The following ARNT2 variants were observed in gnomAD, a reference collection of about 807,000 sequenced individuals.
ARNT2 encodes the protein ARNT protein 2.
Under a neutral mutation model 91.7 loss-of-function variants are expected in ARNT2, and 36 were observed. That is an observed-to-expected ratio of 0.39 (90% CI 0.30 to 0.52). The LOEUF is 0.52. Ranked by LOEUF, ARNT2 falls within the 20% of genes least tolerant of loss-of-function variation. ARNT2 has a pLI of 0.72. For missense variants in ARNT2, 775 were observed against 939.3 expected, an observed-to-expected ratio of 0.83 and a Z score of 2.29; for synonymous variants, 365 against 347.1, an observed-to-expected ratio of 1.05 and a Z score of -0.57.
intron 11 of ARNT2, 44 bp downstream of exon 11, chr15:80,555,183 G>C: frequency 3.1e-6 from 5 of 1,596,844 alleles, no homozygotes; most frequent in Non-Finnish European, 4.3e-6. Flanking sequence ...CATAGTCTGG[G>C]CACCTGTGGA....
intron 12 of ARNT2, among the ~76,000 whole-genome samples, chr15:80,566,152 G>A (rs1279631762): frequency 6.6e-6 from 1 of 152,008 alleles, no homozygotes; most frequent in African/African-American, 2.4e-5. Context: ...ACCAGCAGCA[G>A]CAACCCTGCC....
At chr15:80,455,208 G>T (rs1482161681) in intron 2 of ARNT2, among the ~76,000 whole-genome samples, 2 of 152,130 alleles carry the variant, frequency 1.3e-5, no homozygotes, top group South Asian at 4.2e-4. Flanking sequence ...GTCCTCCAGG[G>T]TTGCATTGTT....
chr15:80,581,312 A>T lies in ARNT2; in HGVS notation c.1826A>T (p.Asp609Val), dbSNP rs770741489. The T allele has an allele frequency of 4.3e-6, 7 of 1,613,656 alleles. No individual in the cohort carries two copies. The highest frequency in any genetic ancestry group is 5.9e-6 in the Non-Finnish European group (7 of 1,179,960). ...GGAACGAGCCACACCTACCCGGCAG[A>T]CCCCTCTTCCTACAGCCCCCTCTCC... ...GIGTSHTYPA[D>V]PSSYSPLSSP... The change falls in exon 17 of 19, where the codon GAC (aspartate) becomes GTC (valine). Residue 609 changes from aspartate (D) to valine (V), a missense_variant. Around this residue, in one of 5 missense-constraint regions of ARNT2, gnomAD observed 325 missense variants for 359.9 expected, o/e 0.90. Coordinates refer to ENST00000303329, the MANE Select transcript of ARNT2 (RefSeq NM_014862.4).
intron 2 of ARNT2, among the ~76,000 whole-genome samples, chr15:80,457,661 A>T (rs1004586763): frequency 2.0e-5 from 3 of 152,220 alleles, no homozygotes; most frequent in African/African-American, 7.2e-5. Context: ...AGGGAATGGC[A>T]TATAGAGTTC....
At chr15:80,583,245 G>T (rs1596025428) in intron 17 of ARNT2, among the ~76,000 whole-genome samples, 3 of 152,252 alleles carry the variant, frequency 2.0e-5, no homozygotes, top group Admixed American at 2.0e-4. Flanking sequence ...GTCAAGAGAG[G>T]CTTCGGAGCA....
Position 80,591,402 on chromosome 15 carries a change from G to T in ARNT2, c.1919-166G>T, listed in dbSNP as rs1893277544. Among the ~76,000 whole-genome samples the T allele has an allele frequency of 6.6e-6, 1 of 152,174 alleles. No individual in the cohort carries two copies. The highest frequency in any genetic ancestry group is 2.1e-4 in the South Asian group (1 of 4,814). Reference sequence around the variant, plus strand: ...TGTGTCTCTTATCCACTCCATTTATGATCTGTCAGCCAGTGAGAAAGACGA... The same window carrying T: ...TGTGTCTCTTATCCACTCCATTTATTATCTGTCAGCCAGTGAGAAAGACGA... On this transcript the variant is annotated intron_variant, in intron 17 of 18. Transcript: ENST00000303329. This position sits in a 1 kb window ranked among gnomAD's most constrained non-coding sequence, Gnocchi z 5.1.
intron 17 of ARNT2, among the ~76,000 whole-genome samples, chr15:80,590,955 G>T (rs1424032593): frequency 3.3e-5 from 5 of 152,242 alleles, no homozygotes; most frequent in African/African-American, 7.2e-5. Flanking sequence ...CAAAGAGCCA[G>T]GCAGGAAAAG....
At chr15:80,590,880 T>A (rs529309099) in intron 17 of ARNT2, among the ~76,000 whole-genome samples, 1 of 152,360 alleles carries the variant, frequency 6.6e-6, no homozygotes, top group South Asian at 2.1e-4. Flanking sequence ...AGGAACCTTA[T>A]CTTGTCTGAC....
At chr15:80,497,801 A>G (rs550725425) in intron 5 of ARNT2, among the ~76,000 whole-genome samples, 5 of 152,362 alleles carry the variant, frequency 3.3e-5, no homozygotes, top group South Asian at 2.1e-4. Context: ...GGAGATAATT[A>G]TAAGTATATT....
At chr15:80,469,867 G>A (rs1459652180) in intron 3 of ARNT2, among the ~76,000 whole-genome samples, 1 of 152,174 alleles carries the variant, frequency 6.6e-6, no homozygotes, top group Non-Finnish European at 1.5e-5. Flanking sequence ...TGCACACCTT[G>A]GCCTCCCAAA....
chr15:80,470,249 C>A lies in ARNT2; in HGVS notation c.226C>A (p.Arg76=), dbSNP rs1397246640. Residue 76 remains arginine (R), a synonymous_variant, in exon 4 of 19, where the codon CGG becomes AGG. Coordinates refer to ENST00000303329, the MANE Select transcript of ARNT2 (RefSeq NM_014862.4). The stretch of plus-strand genomic sequence containing the variant: ...TCATAGTGAAATCGAAAGGCGCAGA[C>A]GGAACAAGATGACTCAGTACATCAC... ...ENHSEIERRR[R]NKMTQYITEL... 25 of 1,614,010 alleles carry A rather than the reference C, an allele frequency of 1.5e-5. No individual in the cohort carries two copies. The highest frequency in any genetic ancestry group is 1.9e-5 in the Non-Finnish European group (23 of 1,180,030).
At chr15:80,432,132 T>A (rs1322088377) in intron 1 of ARNT2, among the ~76,000 whole-genome samples, 3 of 152,242 alleles carry the variant, frequency 2.0e-5, no homozygotes, top group Non-Finnish European at 4.4e-5. Context: ...ATGCAGCATC[T>A]GTTTCCCATT....
At chr15:80,503,530 C>T (rs962737808) in intron 5 of ARNT2, among the ~76,000 whole-genome samples, 5 of 152,168 alleles carry the variant, frequency 3.3e-5, no homozygotes, top group South Asian at 4.1e-4. Context: ...TCATGTGCTA[C>T]GCAGCTGGGA....
At chr15:80,556,622 A>C (rs1476520044) in intron 11 of ARNT2, 1 of 152,536 alleles carries the variant, frequency 6.6e-6, no homozygotes, top group East Asian at 1.9e-4. Flanking sequence ...CCTGAGTAAC[A>C]GTGTCATGCA....
At chr15:80,577,139 A>G (rs1465878760) in intron 15 of ARNT2, among the ~76,000 whole-genome samples, 174 bp downstream of exon 15, 1 of 152,142 alleles carries the variant, frequency 6.6e-6, no homozygotes, top group Admixed American at 6.5e-5. Flanking sequence ...TGAGCCCTCT[A>G]TGAGTTGCCA....
intron 5 of ARNT2, among the ~76,000 whole-genome samples, chr15:80,483,340 G>A (rs1341604067): frequency 2.0e-5 from 3 of 152,228 alleles, no homozygotes; most frequent in African/African-American, 7.2e-5. Context: ...CCTGGGTCGA[G>A]GGCATCCTTT....
At chr15:80,588,452 C>G (rs145451858) in intron 17 of ARNT2, among the ~76,000 whole-genome samples, 2 of 152,084 alleles carry the variant, frequency 1.3e-5, no homozygotes, top group African/African-American at 2.4e-5. Flanking sequence ...ACCCATGGAC[C>G]ATACACATCT....
intron 1 of ARNT2, among the ~76,000 whole-genome samples, chr15:80,407,357 C>T (rs1316729273): frequency 2.6e-5 from 4 of 152,184 alleles, no homozygotes; most frequent in Admixed American, 1.3e-4. Flanking sequence ...GGGGTCTTCA[C>T]GCTCATGTTA....
At chr15:80,530,152 A>G (rs1897712754) in intron 8 of ARNT2, among the ~76,000 whole-genome samples, 2 of 152,238 alleles carry the variant, frequency 1.3e-5, no homozygotes, top group Admixed American at 6.5e-5. Context: ...GAGAGTTGAG[A>G]ATGGTTCCAT....
Sources: gnomAD v4.1 joint callset for allele counts (sites outside exome capture counted in the v4.1 genomes callset) on GRCh38, gnomAD v4.1.1 for gene constraint, gnomAD v4.1.1 regional missense constraint, Gnocchi (gnomAD v3.1) non-coding constraint, MANE v1.5 for transcripts, NCBI Gene and HGNC (gene_info 2026-07-23, HGNC 2026-07-21) for gene names.